SCAF4: variants seen among roughly 807,000 people sequenced by gnomAD.
SCAF4 encodes SR-related and CTD-associated factor 4.
SCAF4 carries 25 observed loss-of-function variants against 129.8 expected under a neutral mutation model. The observed-to-expected ratio is 0.19, with a 90% confidence interval of 0.14 to 0.27. The LOEUF (loss-of-function observed/expected upper bound fraction) is 0.27. SCAF4 is among the 10% of genes least tolerant of loss of function. The pLI, the probability that SCAF4 is intolerant of heterozygous loss-of-function variation, is 1.00. For synonymous variants in SCAF4, 551 were observed against 497.7 expected (o/e 1.11, Z -1.43); for missense variants, 1,246 against 1,457.1 (o/e 0.86, Z 2.36).
Position 31,696,107 on chromosome 21 carries a change from T to C in SCAF4, c.1068+6A>G. 1.3e-6 allele frequency: 2 copies of C among 1,597,910 alleles called. 1 individual carries two copies. The highest frequency in any genetic ancestry group is 2.2e-5 in the South Asian group (2 of 90,624). ...TTTCTTTGAACTGCAAGAAAAATGCTTGTACCTGATGGTGCATTGGATCCT... is the reference window on the plus strand; with the variant it reads ...TTTCTTTGAACTGCAAGAAAAATGCCTGTACCTGATGGTGCATTGGATCCT... On this transcript the variant is annotated splice_donor_region_variant and intron_variant, in intron 9 of 19. Transcript: ENST00000286835.
intron 4 of SCAF4, 130 bp from the exon 5 acceptor site, chr21:31,702,509 A>C: frequency 2.4e-6 from 1 of 424,658 alleles, no homozygotes; most frequent in Non-Finnish European, 3.8e-6. Flanking sequence ...ATAAACAAGG[A>C]AAAAAAAAAA....
intron 7 of SCAF4, among the ~76,000 whole-genome samples, chr21:31,697,687 A>C (rs1188864028): frequency 2.0e-5 from 3 of 152,222 alleles, no homozygotes. Context: ...GTCATTCTAT[A>C]ATAGTTCTGC....
intron 1 of SCAF4, among the ~76,000 whole-genome samples, chr21:31,726,174 T>C (rs912008804): frequency 1.3e-5 from 2 of 151,936 alleles, no homozygotes; most frequent in African/African-American, 4.8e-5. Context: ...GCCTCCCAAG[T>C]AGCTGGGATT....
rs754991194 is a variant in SCAF4 at position 31,690,858 on chromosome 21, C to G, written c.1824G>C (p.Lys608Asn). 3.7e-6 allele frequency: 6 copies of G among 1,613,866 alleles called. No homozygotes were observed. In the African/African-American group the frequency reaches 8.0e-5, roughly 22 times the overall value. The change falls in exon 15 of 20, where the codon AAG (lysine) becomes AAC (asparagine). Residue 608 changes from lysine (K) to asparagine (N), a missense_variant. Physicochemically the swap from Lys to Asn is moderately conservative, Grantham distance 94. This residue lies in a region of SCAF4 where 468 missense variants were observed against 605.5 expected (regional missense o/e 0.77). Coordinates refer to ENST00000286835, the MANE Select transcript of SCAF4 (RefSeq NM_020706.2). ...CACAAAAACTCTCCAGTTCCTCAGG[C>G]TTGACTTTGTCCCATGGAATATAAG... ...GVTYIPWDKVKPEELESFCEG... is the reference protein window; with the variant it reads ...GVTYIPWDKVNPEELESFCEG...
chr21:31,727,949 T>C (rs1324317773), intron 1 of SCAF4, among the ~76,000 whole-genome samples: 2 of 152,098 alleles, frequency 1.3e-5, no homozygotes, highest in Admixed American at 1.3e-4. Context: ...TCACAACACT[T>C]AATACATGTC....
chr21:31,685,676 T>C lies in SCAF4; in HGVS notation c.2101A>G (p.Thr701Ala), dbSNP rs369802404. 7.4e-6 allele frequency: 12 copies of C among 1,612,992 alleles called. No homozygotes were observed. The highest frequency in any genetic ancestry group is 1.0e-5 in the Non-Finnish European group (12 of 1,179,618). ...VVGALQPPAFTPPLGIPPPGF... is the reference protein window; with the variant it reads ...VVGALQPPAFAPPLGIPPPGF... ...GGAGGCGGTATTCCCAGAGGAGGCG[T>C]GAAAGCAGGCGGCTGGAGAGCACCA... The change falls in exon 17 of 20, where the codon ACG becomes GCG. Residue 701 changes from threonine to alanine, a missense_variant. Physicochemically the swap from Thr to Ala is moderately conservative, Grantham distance 58 (BLOSUM62 0). Transcript: ENST00000286835.
At chr21:31,713,449 G>A (rs1456560052) in intron 1 of SCAF4, among the ~76,000 whole-genome samples, 1 of 152,100 alleles carries the variant, frequency 6.6e-6, no homozygotes, top group African/African-American at 2.4e-5. Flanking sequence ...ACCTAGCACA[G>A]AGTAAATACA....
chr21:31,727,329 T>TG (rs1157247762), intron 1 of SCAF4, among the ~76,000 whole-genome samples: 1 of 152,054 alleles, frequency 6.6e-6, no homozygotes, highest in Non-Finnish European at 1.5e-5. Context: ...TCACCCGCCT[T>TG]GGGCTCCCAA....
At chr21:31,700,715 C>A in intron 7 of SCAF4, 2 of 407,518 alleles carry the variant, frequency 4.9e-6, no homozygotes, top group Non-Finnish European at 8.9e-6. Context: ...GAAGAATTTT[C>A]TGTTTCCTTT....
chr21:31,717,902 T>TACAC lies in SCAF4; in HGVS notation c.31-11546_31-11545insGTGT, dbSNP rs1364665234. On this transcript the variant is annotated intron_variant, in intron 1 of 19. Transcript: ENST00000286835. ...ACATATATACACATATATACACATA[T>TACAC]ATACACACACACACACACACACACA... is the stretch of plus-strand genomic sequence containing the variant. Among the ~76,000 whole-genome samples, 918 of 95,550 alleles carry TACAC rather than the reference T, an allele frequency of 9.6e-3. 6 individuals are homozygous for TACAC. The highest frequency in any genetic ancestry group is 0.015 in the African/African-American group (352 of 23,628). 62.7% of individuals were successfully genotyped at this position (95,550 alleles called of 152,430 possible).
intron 19 of SCAF4, among the ~76,000 whole-genome samples, chr21:31,676,713 T>A (rs958803284): frequency 5.9e-5 from 9 of 152,192 alleles, no homozygotes; most frequent in African/African-American, 2.2e-4. Flanking sequence ...AATTCACACA[T>A]CCTGTAATTT....
chr21:31,690,723 A>C, intron 15 of SCAF4, 74 bp downstream of exon 15: 1 of 1,371,302 alleles, frequency 7.3e-7, no homozygotes, highest in Non-Finnish European at 1.0e-6. Flanking sequence ...AATGCAAGGA[A>C]CAGGACATTC....
At chr21:31,683,042 T>A (rs2123490473) in intron 19 of SCAF4, among the ~76,000 whole-genome samples, 1 of 152,356 alleles carries the variant, frequency 6.6e-6, no homozygotes, top group East Asian at 1.9e-4. Context: ...AGTGCTTATT[T>A]TAACAAAATT....
intron 15 of SCAF4, among the ~76,000 whole-genome samples, chr21:31,690,200 C>T (rs1372447382): frequency 1.3e-5 from 2 of 152,020 alleles, no homozygotes; most frequent in Non-Finnish European, 2.9e-5. Context: ...AAACCCAATA[C>T]CAGGCCAGGT....
At chr21:31,702,577 AAGGAACAGAGATGGACT>A (rs1385952881) in intron 4 of SCAF4, among the ~76,000 whole-genome samples, 198 bp from the exon 5 acceptor site, 1 of 152,200 alleles carries the variant, frequency 6.6e-6, no homozygotes, top group Non-Finnish European at 1.5e-5. Context: ...CATCTAGAGT[AAGGAACAGAGATGGACT>A]ATAGACCCAG....
At chr21:31,707,924 A>G (rs2123615523) in intron 1 of SCAF4, among the ~76,000 whole-genome samples, 1 of 152,382 alleles carries the variant, frequency 6.6e-6, no homozygotes, top group African/African-American at 2.4e-5. Context: ...TAATTTTTCC[A>G]TAAGATACAG....
Position 31,671,924 on chromosome 21 carries a change from AGGCTGTTGTGATGGTGGT to A in SCAF4, c.2901_2918del (p.Ser970_Pro975del). 1 of 1,612,006 alleles carries A rather than the reference AGGCTGTTGTGATGGTGGT, an allele frequency of 6.2e-7. No individual in the cohort carries two copies. The highest frequency in any genetic ancestry group is 1.3e-5 in the African/African-American group (1 of 74,816). On this transcript the variant is annotated inframe_deletion, in exon 20 of 20. Transcript: ENST00000286835. ...GCTGTGGCTGCTGCTGTGTTGGTGG[AGGCTGTTGTGATGGTGGT>A]GGCTGCTGCTGCTGCTGCTGCTGTG...
intron 4 of SCAF4, among the ~76,000 whole-genome samples, chr21:31,703,280 A>G (rs1447794428): frequency 6.6e-6 from 1 of 152,154 alleles, no homozygotes; most frequent in Non-Finnish European, 1.5e-5. Flanking sequence ...TATCTTCTTT[A>G]AAGATGATGC....
intron 10 of SCAF4, 54 bp from the exon 11 acceptor site, chr21:31,694,343 G>T: frequency 8.7e-7 from 1 of 1,148,752 alleles, no homozygotes; most frequent in Non-Finnish European, 1.3e-6. Flanking sequence ...ATAAAAGCAA[G>T]AGGACAAAAT....
Sources: gnomAD v4.1 joint callset for allele counts (sites outside exome capture counted in the v4.1 genomes callset) on GRCh38, gnomAD v4.1.1 for gene constraint, gnomAD v4.1.1 regional missense constraint, MANE v1.5 for transcripts, NCBI Gene and HGNC (gene_info 2026-07-23, HGNC 2026-07-21) for gene names.